MCTP1: variants seen among roughly 807,000 people sequenced by gnomAD.
The protein encoded by MCTP1 is multiple C2 and transmembrane domain containing 1.
In MCTP1, 69 loss-of-function variants were observed where a neutral mutation model predicts 120.6. The observed-to-expected ratio is 0.57, with a 90% CI of 0.47 to 0.70. MCTP1 has a LOEUF of 0.70. MCTP1 is among the 30% of genes least tolerant of loss of function. MCTP1 has a pLI of 0.00. For synonymous variants in MCTP1, 529 were observed against 493.1 expected (o/e 1.07, Z -0.96); for missense variants, 1,203 against 1,248.8 (o/e 0.96, Z 0.55).
At chr5:94,911,331 G>A (rs1310608064) in intron 9 of MCTP1, among the ~76,000 whole-genome samples, 1 of 152,142 alleles carries the variant, frequency 6.6e-6, no homozygotes, top group African/African-American at 2.4e-5. Flanking sequence ...ACAGAGATAA[G>A]ATGATATGGT....
chr5:94,992,314 G>A (rs965446560), intron 2 of MCTP1, among the ~76,000 whole-genome samples: 6 of 152,254 alleles, frequency 3.9e-5, no homozygotes, highest in Admixed American at 3.9e-4. Context: ...TGATGATGAT[G>A]ATGATGAAAA....
intron 17 of MCTP1, among the ~76,000 whole-genome samples, chr5:94,848,460 C>T (rs562928875): frequency 6.6e-6 from 1 of 152,054 alleles, no homozygotes; most frequent in South Asian, 2.1e-4. Flanking sequence ...GAGCCAGCTG[C>T]AGCTTTAATA....
chr5:94,709,919 C>A (rs1247066226), intron 21 of MCTP1: 1 of 152,022 alleles, frequency 6.6e-6, no homozygotes, highest in East Asian at 1.9e-4. Flanking sequence ...TCACTTTATT[C>A]CAACATATTT....
intron 17 of MCTP1, among the ~76,000 whole-genome samples, chr5:94,825,290 T>C (rs1174508391): frequency 6.6e-6 from 1 of 152,198 alleles, no homozygotes; most frequent in Non-Finnish European, 1.5e-5. Flanking sequence ...CTTAATTTTG[T>C]TATTTACTCA....
intron 2 of MCTP1, among the ~76,000 whole-genome samples, chr5:94,970,603 G>A (rs564835215): frequency 4.6e-5 from 7 of 151,970 alleles, no homozygotes; most frequent in South Asian, 4.2e-4. Context: ...CCAGGAATTC[G>A]CTCTATGACT....
At chr5:95,118,490 C>G (rs980052204) in intron 1 of MCTP1, among the ~76,000 whole-genome samples, 1 of 152,006 alleles carries the variant, frequency 6.6e-6, no homozygotes, top group Non-Finnish European at 1.5e-5. Context: ...GACCATAAAA[C>G]AAACAGAAAA....
chr5:94,761,650 T>C (rs1006280166), intron 19 of MCTP1, among the ~76,000 whole-genome samples: 4 of 152,226 alleles, frequency 2.6e-5, no homozygotes, highest in Non-Finnish European at 4.4e-5. Context: ...TAGAAGCTTT[T>C]GGTCTTGGGA....
intron 1 of MCTP1, among the ~76,000 whole-genome samples, chr5:95,196,842 T>C (rs1430696452): frequency 6.6e-6 from 1 of 152,210 alleles, no homozygotes; most frequent in Non-Finnish European, 1.5e-5. Flanking sequence ...ATTTTAGTTT[T>C]AATGGTCACT....
chr5:94,913,081 C>T (rs762750780), intron 8 of MCTP1, 105 bp from the exon 9 acceptor site: 53 of 607,900 alleles, frequency 8.7e-5, no homozygotes, highest in Non-Finnish European at 1.3e-4. Context: ...AATAAAGGAT[C>T]GGCAATTATA....
intron 1 of MCTP1, among the ~76,000 whole-genome samples, chr5:95,026,000 A>G (rs1839186372): frequency 6.6e-6 from 1 of 152,136 alleles, no homozygotes; most frequent in African/African-American, 2.4e-5. Context: ...GTCTTTTTAT[A>G]TAAATAAAGA....
chr5:94,789,856 G>A (rs1429906251), intron 18 of MCTP1, among the ~76,000 whole-genome samples: 1 of 152,148 alleles, frequency 6.6e-6, no homozygotes, highest in Non-Finnish European at 1.5e-5. Flanking sequence ...AATAATATTT[G>A]TTGAATGAAA....
chr5:95,060,319 G>A (rs1013943230), intron 1 of MCTP1, among the ~76,000 whole-genome samples: 3 of 152,144 alleles, frequency 2.0e-5, no homozygotes, highest in Non-Finnish European at 4.4e-5. Context: ...GGCATTCTGG[G>A]TGACTAGCTT....
At chr5:94,809,516 GGT>G (rs1196402660) in intron 17 of MCTP1, among the ~76,000 whole-genome samples, 2 of 152,108 alleles carry the variant, frequency 1.3e-5, no homozygotes, top group Non-Finnish European at 2.9e-5. Context: ...GATTCTCCAA[GGT>G]CCCTTTCATT....
chr5:94,988,271 A>T (rs1279550774), intron 2 of MCTP1, among the ~76,000 whole-genome samples: 1 of 151,446 alleles, frequency 6.6e-6, no homozygotes, highest in East Asian at 1.9e-4. Context: ...AGGAAGAGAG[A>T]TGTCTTTAAA....
rs76620956 is a variant in MCTP1, at chr5:95,138,028, C to T, written c.721-120544G>A. Among the ~76,000 whole-genome samples the T allele has an allele frequency of 9.7e-4, 148 of 152,126 alleles. 1 individual carries two copies. Among genetic ancestry groups the T allele is most frequent in the Non-Finnish European group, 1.9e-3 (127 of 67,994 alleles). On this transcript the variant is annotated intron_variant, in intron 1 of 22. Transcript: ENST00000515393. ...AAATTCCAGTTCTAGATAACAATCA[C>T]GCAAATGTGTTTTCAGATTACTTCA...
At chr5:95,231,599 T>C (rs992305524) in intron 1 of MCTP1, among the ~76,000 whole-genome samples, 3 of 152,178 alleles carry the variant, frequency 2.0e-5, no homozygotes, top group Admixed American at 6.5e-5. Flanking sequence ...AGCACAATGC[T>C]GAGTAGCTGT....
At chr5:94,710,988 A>T in intron 20 of MCTP1, 61 bp from the exon 21 acceptor site, 2 of 1,115,892 alleles carry the variant, frequency 1.8e-6, no homozygotes, top group Non-Finnish European at 2.7e-6. Flanking sequence ...AAATATTAAA[A>T]TACATATGAT....
At chr5:95,125,289 T>C (rs886078017) in intron 1 of MCTP1, among the ~76,000 whole-genome samples, 8 of 152,258 alleles carry the variant, frequency 5.3e-5, no homozygotes, top group Admixed American at 4.6e-4. Flanking sequence ...AGTGGACCAC[T>C]TGTCTGGTTT....
intron 1 of MCTP1, among the ~76,000 whole-genome samples, chr5:95,177,797 G>C (rs1256370487): frequency 6.6e-6 from 1 of 152,154 alleles, no homozygotes; most frequent in East Asian, 1.9e-4. Flanking sequence ...TAAAACCCAA[G>C]CTGGTTGAGA....
Sources: allele counts gnomAD v4.1 joint callset (sites outside exome capture counted in the v4.1 genomes callset), GRCh38; gene constraint gnomAD v4.1.1; transcripts MANE v1.5; gene names NCBI Gene and HGNC (gene_info 2026-07-23, HGNC 2026-07-21).